The following ABCA13 variants were observed in gnomAD, a reference collection of about 807,000 sequenced individuals.
The protein encoded by ABCA13 is ATP binding cassette subfamily A member 13.
In ABCA13, 476 loss-of-function variants were observed where a neutral mutation model predicts 478.7. The ratio of observed to expected loss-of-function variants is 0.99; its 90% confidence interval spans 0.92 to 1.07. The LOEUF (loss-of-function observed/expected upper bound fraction) is 1.07, where lower values mean the gene tolerates loss of function less well. Ranked by LOEUF, ABCA13 falls within the 50% of genes least tolerant of loss-of-function variation. ABCA13 has a pLI of 0.00. For synonymous variants in ABCA13, 2,252 were observed against 2,158.9 expected, an observed-to-expected ratio of 1.04 and a Z score of -1.20; for missense variants, 6,060 against 5,910.6, an observed-to-expected ratio of 1.03 and a Z score of -0.83.
intron 1 of ABCA13, among the ~76,000 whole-genome samples, chr7:48,187,061 C>T (rs1031215995): frequency 1.3e-5 from 2 of 148,458 alleles, no homozygotes; most frequent in African/African-American, 5.0e-5. Context: ...ATATATCAGT[C>T]CCTGTCTCTC....
At position 48,495,018 on chromosome 7, in the gene ABCA13, T is replaced by G. The variant is rs992426323; in HGVS notation, c.13291+5674T>G. 5.9e-5 allele frequency among the ~76,000 whole-genome samples: 9 copies of G among 151,826 alleles called. No homozygotes were observed. The South Asian group carries it at 1.9e-3, about 32-fold the overall frequency. On this transcript the variant is annotated intron_variant, in intron 48 of 61. Transcript: ENST00000435803. ...AGATGAATAAGAAAGTAAGAAGGAA[T>G]GATGTAAGAAGAAAATGAATCGAAC...
chr7:48,393,554 A>C (rs1324402622), intron 38 of ABCA13, among the ~76,000 whole-genome samples: 2 of 152,214 alleles, frequency 1.3e-5, no homozygotes, highest in Non-Finnish European at 2.9e-5. Flanking sequence ...TACATTTATA[A>C]ATAAGTATTT....
At chr7:48,257,387 A>G (rs1021469541) in intron 15 of ABCA13, among the ~76,000 whole-genome samples, 1 of 152,030 alleles carries the variant, frequency 6.6e-6, no homozygotes, top group African/African-American at 2.4e-5. Flanking sequence ...ACAGTTCTAA[A>G]GGGAAATTCT....
chr7:48,273,401 A>T lies in ABCA13; in HGVS notation c.3735A>T (p.Val1245=), dbSNP rs1795883771. 6.2e-7 allele frequency: 1 copy of T among 1,613,486 alleles called. No individual in the cohort carries two copies. Among genetic ancestry groups the T allele is most frequent in the Non-Finnish European group, 8.5e-7 (1 of 1,179,678 alleles). The change falls in exon 17 of 62, where the codon GTA becomes GTT. Residue 1245 remains valine, a synonymous_variant. Transcript: ENST00000435803. ...LVALGNALVS[V]KKLNLEQVEK... Reference sequence around the variant, plus strand: ...CTTTAGGTAATGCATTAGTTTCAGTAAAAAAACTTAACTTGGAGCAAGTGG... The same window carrying T: ...CTTTAGGTAATGCATTAGTTTCAGTTAAAAAACTTAACTTGGAGCAAGTGG...
chr7:48,463,681 CAA>C (rs1826523340), intron 43 of ABCA13, among the ~76,000 whole-genome samples: 1 of 151,976 alleles, frequency 6.6e-6, no homozygotes, highest in African/African-American at 2.4e-5. Context: ...TTATCAACAC[CAA>C]AAGCTGGTTG....
chr7:48,633,919 G>GATAAATAGATAC (rs1563532420), intron 59 of ABCA13, among the ~76,000 whole-genome samples: 1 of 133,650 alleles, frequency 7.5e-6, no homozygotes, highest in African/African-American at 2.9e-5. Context: ...TAGATACATA[G>GATAAATAGATAC]ATAGATAGAT....
At chr7:48,533,645 T>C (rs902079001) in intron 55 of ABCA13, among the ~76,000 whole-genome samples, 3 of 152,098 alleles carry the variant, frequency 2.0e-5, no homozygotes, top group Admixed American at 2.0e-4. Context: ...TTAGGTGTAG[T>C]AGTAATTGTT....
chr7:48,628,396 A>G (rs1157868989), intron 59 of ABCA13, among the ~76,000 whole-genome samples: 1 of 152,170 alleles, frequency 6.6e-6, no homozygotes, highest in Non-Finnish European at 1.5e-5. Context: ...TTTACTTTAT[A>G]CAGAGCTGAT....
chr7:48,328,813 T>A (rs944761887), intron 27 of ABCA13, among the ~76,000 whole-genome samples: 1 of 152,020 alleles, frequency 6.6e-6, no homozygotes, highest in Non-Finnish European at 1.5e-5. Context: ...GAAATGCAAA[T>A]CCCCAAAATG....
chr7:48,529,799 A>G (rs1833103931), intron 55 of ABCA13, among the ~76,000 whole-genome samples: 1 of 152,212 alleles, frequency 6.6e-6, no homozygotes, highest in African/African-American at 2.4e-5. Context: ...AATAAATATA[A>G]TTCATTTGTG....
chr7:48,609,164 T>C (rs1791771950), intron 58 of ABCA13, among the ~76,000 whole-genome samples: 1 of 152,218 alleles, frequency 6.6e-6, no homozygotes. Flanking sequence ...TTCATGTTCA[T>C]GCAGAGGTTC....
chr7:48,478,037 A>G (rs1446402334), intron 45 of ABCA13, among the ~76,000 whole-genome samples: 1 of 151,696 alleles, frequency 6.6e-6, no homozygotes, highest in Non-Finnish European at 1.5e-5. Flanking sequence ...GGGGTGGTGA[A>G]GTGAATTGGA....
intron 55 of ABCA13, among the ~76,000 whole-genome samples, chr7:48,553,785 C>A (rs1785533563): frequency 6.6e-6 from 1 of 152,018 alleles, no homozygotes; most frequent in East Asian, 1.9e-4. Context: ...TTGGTTATTT[C>A]TTTTCCAGTG....
At chr7:48,413,095 GC>G (rs796335688) in intron 41 of ABCA13, among the ~76,000 whole-genome samples, 4 of 152,210 alleles carry the variant, frequency 2.6e-5, no homozygotes, top group African/African-American at 9.6e-5. Context: ...ACAGGTGTGA[GC>G]CCATGCACCC....
chr7:48,478,295 A>ATT (rs1260441639), intron 45 of ABCA13, among the ~76,000 whole-genome samples: 2 of 138,172 alleles, frequency 1.4e-5, no homozygotes, highest in African/African-American at 2.8e-5. Context: ...ATATCATTTT[A>ATT]TATATATATA....
chr7:48,629,431 G>T (rs564113761), intron 59 of ABCA13, among the ~76,000 whole-genome samples: 1 of 152,148 alleles, frequency 6.6e-6, no homozygotes, highest in East Asian at 1.9e-4. Context: ...TTCAAACTAT[G>T]AGCATAAAAT....
chr7:48,300,853 C>G (rs1011214584), intron 23 of ABCA13, among the ~76,000 whole-genome samples: 33 of 152,332 alleles, frequency 2.2e-4, no homozygotes, highest in African/African-American at 7.5e-4. Context: ...CCTGGGTTTG[C>G]ATCCTGTCCA....
chr7:48,628,394 A>C (rs1328973768), intron 59 of ABCA13, among the ~76,000 whole-genome samples: 1 of 152,194 alleles, frequency 6.6e-6, no homozygotes, highest in Non-Finnish European at 1.5e-5. Flanking sequence ...CTTTTACTTT[A>C]TACAGAGCTG....
intron 15 of ABCA13, among the ~76,000 whole-genome samples, chr7:48,257,466 G>C (rs1793563225): frequency 6.6e-6 from 1 of 152,020 alleles, no homozygotes; most frequent in African/African-American, 2.4e-5. Flanking sequence ...ATTACTTTGA[G>C]GTATGTTCCT....
Sources: allele counts gnomAD v4.1 joint callset (sites outside exome capture counted in the v4.1 genomes callset), GRCh38; gene constraint gnomAD v4.1.1; transcripts MANE v1.5; gene names NCBI Gene and HGNC (gene_info 2026-07-23, HGNC 2026-07-21).